The following MTUS1 variants were observed in gnomAD, a reference collection of about 807,000 sequenced individuals.
MTUS1 encodes the protein microtubule associated scaffold protein 1, also known as microtubule-associated tumor suppressor 1.
MTUS1 carries 109 observed loss-of-function variants against 120.8 expected under a neutral mutation model. The observed-to-expected ratio is 0.90, with a 90% confidence interval of 0.77 to 1.06. MTUS1 has a LOEUF of 1.06. Among genes scored for constraint, MTUS1 ranks in the 50% least tolerant of loss-of-function variants. The pLI, the probability that MTUS1 is intolerant of heterozygous loss-of-function variation, is 0.00. For synonymous variants in MTUS1, 737 were observed against 550.5 expected, an observed-to-expected ratio of 1.34 and a Z score of -4.74; for missense variants, 2,210 against 1,486.3, an observed-to-expected ratio of 1.49 and a Z score of -8.01.
At chr8:17,778,667 G>C (rs2050640515) in intron 1 of MTUS1, among the ~76,000 whole-genome samples, 1 of 152,084 alleles carries the variant, frequency 6.6e-6, no homozygotes, top group Admixed American at 6.6e-5. Context: ...AAATTAGCCA[G>C]GTGTGGTGGT....
intron 1 of MTUS1, among the ~76,000 whole-genome samples, chr8:17,790,477 A>G (rs1281361376): frequency 6.6e-6 from 1 of 152,240 alleles, no homozygotes; most frequent in Non-Finnish European, 1.5e-5. Context: ...ATACAGTTCT[A>G]TTAGGACTTA....
At chr8:17,656,537 C>G (rs1178733438) in intron 8 of MTUS1, among the ~76,000 whole-genome samples, 1 of 84,862 alleles carries the variant, frequency 1.2e-5, no homozygotes, top group African/African-American at 3.6e-5. Context: ...CAAAAACAAA[C>G]AAACAAAACC....
At chr8:17,681,142 C>T (rs1814395896) in intron 7 of MTUS1, among the ~76,000 whole-genome samples, 1 of 152,118 alleles carries the variant, frequency 6.6e-6, no homozygotes, top group Non-Finnish European at 1.5e-5. Context: ...CCATATTGGT[C>T]AGGCTGGTCT....
intron 3 of MTUS1, among the ~76,000 whole-genome samples, chr8:17,732,256 G>A (rs545582348): frequency 2.6e-5 from 4 of 152,304 alleles, no homozygotes; most frequent in South Asian, 2.1e-4. Context: ...TAGCCCTCCC[G>A]AGGAATAAAC....
At chr8:17,681,749 A>G (rs1814560094) in intron 7 of MTUS1, 1 of 154,796 alleles carries the variant, frequency 6.5e-6, no homozygotes, top group Non-Finnish European at 1.5e-5. Context: ...GTTGTTGCCA[A>G]ATGATAAAGA....
At chr8:17,751,180 T>C (rs980053839) in intron 2 of MTUS1, among the ~76,000 whole-genome samples, 1 of 152,148 alleles carries the variant, frequency 6.6e-6, no homozygotes, top group Admixed American at 6.5e-5. Flanking sequence ...TAGCCAGGCA[T>C]GTGCACCTGT....
intron 4 of MTUS1, among the ~76,000 whole-genome samples, chr8:17,721,166 A>C (rs2131090921): frequency 6.6e-6 from 1 of 152,324 alleles, no homozygotes; most frequent in Middle Eastern, 3.4e-3. Context: ...CAAATACTTA[A>C]GCCAGTATAA....
chr8:17,657,031 C>G (rs1302510237), intron 8 of MTUS1, among the ~76,000 whole-genome samples: 1 of 136,998 alleles, frequency 7.3e-6, no homozygotes, highest in African/African-American at 2.8e-5. Context: ...TGCACTCCAG[C>G]CTGGGCGACA....
chr8:17,717,244 C>T (rs1398664088), intron 4 of MTUS1, among the ~76,000 whole-genome samples: 1 of 152,212 alleles, frequency 6.6e-6, no homozygotes, highest in African/African-American at 2.4e-5. Context: ...AAAATTCTGT[C>T]AATTTCCTGT....
At chr8:17,663,176 T>C (rs181777251) in intron 8 of MTUS1, among the ~76,000 whole-genome samples, 58 of 152,372 alleles carry the variant, frequency 3.8e-4, no homozygotes, top group Non-Finnish European at 7.5e-4. Context: ...AAAACAGAGC[T>C]GGAGTCCTCC....
intron 3 of MTUS1, among the ~76,000 whole-genome samples, chr8:17,726,775 A>G (rs1563276247): frequency 1.3e-5 from 2 of 152,212 alleles, no homozygotes; most frequent in Non-Finnish European, 1.5e-5. Context: ...AAATTTGCCA[A>G]ATTGCCGCCC....
chr8:17,781,719 T>G (rs962446704), intron 1 of MTUS1, among the ~76,000 whole-genome samples: 6 of 152,158 alleles, frequency 3.9e-5, no homozygotes, highest in African/African-American at 1.4e-4. Context: ...AGCACCCCTT[T>G]CCTGCTCGAC....
chr8:17,741,873 T>A (rs912433132), intron 3 of MTUS1, among the ~76,000 whole-genome samples: 4 of 152,162 alleles, frequency 2.6e-5, no homozygotes, highest in Non-Finnish European at 5.9e-5. Context: ...ACACTTACAC[T>A]TTCAAGATGT....
intron 3 of MTUS1, among the ~76,000 whole-genome samples, chr8:17,739,477 A>G (rs1293701441): frequency 6.6e-6 from 1 of 152,110 alleles, no homozygotes; most frequent in African/African-American, 2.4e-5. Context: ...CTGGGCAACA[A>G]GAGTGAAACT....
intron 1 of MTUS1, among the ~76,000 whole-genome samples, chr8:17,776,451 G>T (rs2050438522): frequency 6.6e-6 from 1 of 151,972 alleles, no homozygotes; most frequent in African/African-American, 2.4e-5. Context: ...GGATGCCAAG[G>T]TGGGCGGATC....
intron 1 of MTUS1, among the ~76,000 whole-genome samples, chr8:17,800,257 T>G (rs2052574022): frequency 6.6e-6 from 1 of 152,154 alleles, no homozygotes; most frequent in South Asian, 2.1e-4. Context: ...GCCCCAGCGC[T>G]GTGATTTAGT....
At chr8:17,798,705 C>T (rs2052451614) in intron 1 of MTUS1, among the ~76,000 whole-genome samples, 1 of 152,142 alleles carries the variant, frequency 6.6e-6, no homozygotes, top group Non-Finnish European at 1.5e-5. Flanking sequence ...GTTAAAAATT[C>T]TGTTTTGAGA....
intron 9 of MTUS1, 172 bp from the exon 10 acceptor site, chr8:17,654,838 C>T (rs1390366872): frequency 6.7e-6 from 4 of 593,122 alleles, no homozygotes; most frequent in Non-Finnish European, 1.2e-5. Flanking sequence ...CTTGTAACCT[C>T]AGCACTCTGG....
At chr8:17,784,877 C>T (rs1322659965) in intron 1 of MTUS1, among the ~76,000 whole-genome samples, 6 of 152,066 alleles carry the variant, frequency 3.9e-5, no homozygotes, top group East Asian at 1.9e-4. Flanking sequence ...CTCCGCCTCC[C>T]GGCTTCAAGT....
Sources: allele counts gnomAD v4.1 joint callset (sites outside exome capture counted in the v4.1 genomes callset), GRCh38; gene constraint gnomAD v4.1.1; transcripts MANE v1.5; gene names NCBI Gene and HGNC (gene_info 2026-07-23, HGNC 2026-07-21).